KCNIP4: variants seen among roughly 807,000 people sequenced by gnomAD.
KCNIP4 encodes potassium voltage-gated channel interacting protein 4, also known as Kv channel-interacting protein 4.
KCNIP4 carries 12 observed loss-of-function variants against 34.0 expected under a neutral mutation model. That is an observed-to-expected ratio of 0.35 (90% confidence interval 0.23 to 0.57). KCNIP4 has a LOEUF of 0.57. KCNIP4 is among the 20% of genes least tolerant of loss of function. KCNIP4 has a pLI of 0.83. For missense variants in KCNIP4, 238 were observed against 311.7 expected (o/e 0.76, Z 1.78); for synonymous variants, 124 against 102.2 (o/e 1.21, Z -1.29).
At chr4:21,222,034 T>G (rs1202951451) in intron 1 of KCNIP4, among the ~76,000 whole-genome samples, 2 of 152,210 alleles carry the variant, frequency 1.3e-5, no homozygotes, top group Non-Finnish European at 2.9e-5. Context: ...CCCTGTATCT[T>G]TCTTTTTTCT....
chr4:21,605,067 C>T (rs897164945), intron 1 of KCNIP4, among the ~76,000 whole-genome samples: 2 of 152,120 alleles, frequency 1.3e-5, no homozygotes, highest in Non-Finnish European at 2.9e-5. Flanking sequence ...GGGATTCTTG[C>T]GGGCTGGTCA....
At chr4:21,671,824 A>C (rs937472716) in intron 1 of KCNIP4, among the ~76,000 whole-genome samples, 10 of 152,156 alleles carry the variant, frequency 6.6e-5, no homozygotes, top group African/African-American at 2.4e-4. Context: ...CAGTGATTCC[A>C]AGGAAAAAAG....
intron 1 of KCNIP4, among the ~76,000 whole-genome samples, chr4:21,079,501 A>C (rs1745814540): frequency 6.6e-6 from 1 of 151,878 alleles, no homozygotes; most frequent in Non-Finnish European, 1.5e-5. Flanking sequence ...CCCACTTCTC[A>C]TTTTGCCAAA....
chr4:21,752,514 T>C (rs1305548506), intron 1 of KCNIP4, among the ~76,000 whole-genome samples: 1 of 151,958 alleles, frequency 6.6e-6, no homozygotes, highest in Non-Finnish European at 1.5e-5. Context: ...CCTCAACACC[T>C]GGGGATTCCA....
At chr4:20,951,323 A>T (rs145187211) in intron 1 of KCNIP4, among the ~76,000 whole-genome samples, 15 of 152,354 alleles carry the variant, frequency 9.8e-5, no homozygotes, top group African/African-American at 3.4e-4. Context: ...TATTTTACAG[A>T]AGCCCAAGTT....
At chr4:20,743,613 A>T (rs538131570) in intron 5 of KCNIP4, among the ~76,000 whole-genome samples, 1 of 152,214 alleles carries the variant, frequency 6.6e-6, no homozygotes, top group Admixed American at 6.5e-5. Flanking sequence ...TTATACAAAA[A>T]TTAATTCAAG....
intron 1 of KCNIP4, among the ~76,000 whole-genome samples, chr4:21,653,054 C>T (rs540689688): frequency 7.2e-5 from 11 of 152,300 alleles, no homozygotes; most frequent in Admixed American, 2.0e-4. Flanking sequence ...TTCAAGAGCA[C>T]CAGACCTCTC....
At chr4:21,550,062 A>T (rs1199033967) in intron 1 of KCNIP4, among the ~76,000 whole-genome samples, 6 of 152,110 alleles carry the variant, frequency 3.9e-5, no homozygotes. Context: ...ACTGATTTAA[A>T]TTCGTGCTGT....
At chr4:21,195,378 A>C (rs1370984635) in intron 1 of KCNIP4, among the ~76,000 whole-genome samples, 1 of 152,260 alleles carries the variant, frequency 6.6e-6, no homozygotes, top group Non-Finnish European at 1.5e-5. Context: ...AAAGTTTTGG[A>C]AAGTTCATGT....
chr4:21,531,196 C>G (rs544678637), intron 1 of KCNIP4, among the ~76,000 whole-genome samples: 2 of 152,238 alleles, frequency 1.3e-5, no homozygotes, highest in East Asian at 1.9e-4. Flanking sequence ...AAGTGAAAAC[C>G]AACCTGCTTA....
chr4:21,302,912 T>C (rs1365832484), intron 1 of KCNIP4, among the ~76,000 whole-genome samples: 1 of 152,218 alleles, frequency 6.6e-6, no homozygotes, highest in East Asian at 1.9e-4. Context: ...AAGTTTAAAA[T>C]TTGAAGCAAG....
chr4:21,584,032 C>T (rs1741431460), intron 1 of KCNIP4, among the ~76,000 whole-genome samples: 1 of 152,072 alleles, frequency 6.6e-6, no homozygotes, highest in African/African-American at 2.4e-5. Flanking sequence ...TGAATAATAA[C>T]ATAAGATTTA....
intron 1 of KCNIP4, among the ~76,000 whole-genome samples, chr4:21,231,928 C>T (rs1758814467): frequency 1.3e-5 from 2 of 152,130 alleles, no homozygotes; most frequent in Admixed American, 1.3e-4. Context: ...TAGATAAGTG[C>T]ATGCACTCAA....
chr4:21,706,438 T>C (rs781411435), intron 1 of KCNIP4, among the ~76,000 whole-genome samples: 4 of 152,160 alleles, frequency 2.6e-5, no homozygotes, highest in Non-Finnish European at 5.9e-5. Flanking sequence ...CTACTGGCCA[T>C]GTGAAATAAG....
chr4:21,737,711 T>C (rs576743974), intron 1 of KCNIP4, among the ~76,000 whole-genome samples: 2 of 152,012 alleles, frequency 1.3e-5, no homozygotes, highest in Non-Finnish European at 2.9e-5. Flanking sequence ...ATAATACAAG[T>C]GAAATCCTTT....
chr4:21,908,394 C>T (rs886308376), intron 1 of KCNIP4, among the ~76,000 whole-genome samples: 2 of 152,126 alleles, frequency 1.3e-5, no homozygotes, highest in African/African-American at 4.8e-5. Flanking sequence ...AATCCTTCCC[C>T]AAGCTCCCCG....
chr4:20,960,189 C>A (rs1733712736), intron 1 of KCNIP4, among the ~76,000 whole-genome samples: 1 of 152,128 alleles, frequency 6.6e-6, no homozygotes, highest in African/African-American at 2.4e-5. Context: ...TTTGAATGCC[C>A]CCTTGTCCCA....
At chr4:21,931,574 C>G (rs1227560916) in intron 1 of KCNIP4, among the ~76,000 whole-genome samples, 1 of 151,878 alleles carries the variant, frequency 6.6e-6, no homozygotes, top group Non-Finnish European at 1.5e-5. Context: ...CAGCTTCATC[C>G]ATGTCCCTAC....
chr4:21,404,393 T>C (rs1723799640), intron 1 of KCNIP4, among the ~76,000 whole-genome samples: 1 of 152,214 alleles, frequency 6.6e-6, no homozygotes, highest in African/African-American at 2.4e-5. Flanking sequence ...AGTAACTGCT[T>C]AGTAAATATC....
Sources: gnomAD v4.1 joint callset for allele counts (sites outside exome capture counted in the v4.1 genomes callset) on GRCh38, gnomAD v4.1.1 for gene constraint, MANE v1.5 for transcripts, NCBI Gene and HGNC (gene_info 2026-07-23, HGNC 2026-07-21) for gene names.